The following CDH10 variants were observed in gnomAD, a reference collection of about 807,000 sequenced individuals.
The protein encoded by CDH10 is cadherin 10.
CDH10 carries 30 observed loss-of-function variants against 73.1 expected under a neutral mutation model. The observed-to-expected ratio is 0.41, with a 90% CI of 0.31 to 0.56. CDH10 has a LOEUF of 0.56. CDH10 is among the 20% of genes least tolerant of loss of function. CDH10 has a pLI of 0.27. For missense variants in CDH10, 815 were observed against 973.7 expected, an observed-to-expected ratio of 0.84 and a Z score of 2.17; for synonymous variants, 345 against 348.2, an observed-to-expected ratio of 0.99 and a Z score of 0.10.
intron 1 of CDH10, among the ~76,000 whole-genome samples, chr5:24,607,838 C>T (rs1172340345): frequency 6.6e-6 from 1 of 152,096 alleles, no homozygotes; most frequent in African/African-American, 2.4e-5. Context: ...AATGTTTTAT[C>T]TCCTAGCCTA....
chr5:24,613,643 G>A (rs1747030612), intron 1 of CDH10, among the ~76,000 whole-genome samples: 1 of 151,922 alleles, frequency 6.6e-6, no homozygotes, highest in Admixed American at 6.6e-5. Flanking sequence ...GGACAATGTT[G>A]CTACCTAGGA....
At chr5:24,595,749 C>G (rs761741417) in intron 1 of CDH10, among the ~76,000 whole-genome samples, 60 of 152,006 alleles carry the variant, frequency 3.9e-4, no homozygotes, top group Admixed American at 3.9e-4. Flanking sequence ...CTCATTTCAT[C>G]TCTTTTTACA....
intron 2 of CDH10, among the ~76,000 whole-genome samples, chr5:24,576,500 C>T (rs1012613370): frequency 2.0e-5 from 3 of 152,016 alleles, no homozygotes; most frequent in Admixed American, 6.5e-5. Flanking sequence ...GAGACTGAGA[C>T]ATCTTGCAGT....
intron 1 of CDH10, among the ~76,000 whole-genome samples, chr5:24,619,012 C>A (rs2319477): frequency 0.082 from 12,463 of 152,152 alleles, 637 homozygotes; most frequent in African/African-American, 0.13. Context: ...CATAAAACAG[C>A]CATGACACTC....
At chr5:24,500,286 C>T (rs1742442607) in intron 8 of CDH10, among the ~76,000 whole-genome samples, 1 of 152,136 alleles carries the variant, frequency 6.6e-6, no homozygotes, top group Non-Finnish European at 1.5e-5. Flanking sequence ...GACTGCTTAG[C>T]AGGGATATAT....
chr5:24,612,551 T>C (rs772450020), intron 1 of CDH10: 3 of 152,152 alleles, frequency 2.0e-5, no homozygotes, highest in Non-Finnish European at 4.4e-5. Context: ...GGTTATCCAA[T>C]TGAGAAACCT....
chr5:24,586,569 T>G (rs1004593359), intron 2 of CDH10, among the ~76,000 whole-genome samples: 3 of 145,762 alleles, frequency 2.1e-5, no homozygotes, highest in Non-Finnish European at 4.5e-5. Flanking sequence ...CAGCCTCCCA[T>G]GTAGCTGGGA....
At chr5:24,550,999 G>A (rs1302122678) in intron 2 of CDH10, among the ~76,000 whole-genome samples, 1 of 151,990 alleles carries the variant, frequency 6.6e-6, no homozygotes, top group East Asian at 1.9e-4. Context: ...AAATGCATTG[G>A]CACTCCTCTG....
intron 1 of CDH10, among the ~76,000 whole-genome samples, chr5:24,616,667 C>T (rs953797170): frequency 3.9e-5 from 6 of 151,966 alleles, no homozygotes; most frequent in Admixed American, 2.0e-4. Context: ...AAAACTTATT[C>T]TCCAGAATAA....
chr5:24,574,868 G>A (rs770126471), intron 2 of CDH10, among the ~76,000 whole-genome samples: 3 of 144,486 alleles, frequency 2.1e-5, no homozygotes, highest in African/African-American at 4.9e-5. Flanking sequence ...AAAACTAGAC[G>A]GTACAAATAG....
chr5:24,490,599 G>A (rs1051490793), intron 11 of CDH10, among the ~76,000 whole-genome samples: 2 of 151,994 alleles, frequency 1.3e-5, no homozygotes, highest in African/African-American at 4.8e-5. Context: ...TAGAAAAGTG[G>A]AAACATCTAT....
intron 1 of CDH10, among the ~76,000 whole-genome samples, chr5:24,595,544 C>G (rs550989795): frequency 6.6e-6 from 1 of 151,960 alleles, no homozygotes; most frequent in African/African-American, 2.4e-5. Context: ...TCACAAAGCA[C>G]TGGAACTCAA....
At chr5:24,503,201 C>T (rs1233172057) in intron 8 of CDH10, among the ~76,000 whole-genome samples, 1 of 152,170 alleles carries the variant, frequency 6.6e-6, no homozygotes, top group Non-Finnish European at 1.5e-5. Flanking sequence ...GTAGTGGTTA[C>T]TTCAAATAAA....
intron 3 of CDH10, among the ~76,000 whole-genome samples, chr5:24,536,968 T>G (rs1743977439): frequency 6.6e-6 from 1 of 151,984 alleles, no homozygotes; most frequent in African/African-American, 2.4e-5. Context: ...ATATTCCAGA[T>G]GAAATTTTTC....
rs1743634713 is a variant in CDH10, at chr5:24,529,099, G to A, written c.814+6013C>T. On this transcript the variant is annotated intron_variant, in intron 5 of 11. Coordinates refer to ENST00000264463, the MANE Select transcript of CDH10 (RefSeq NM_006727.5). ...TATTTTACAGTAGTATTTAGTGCATGCTATATCAATGCCTAATACTATTAT... is the reference window on the plus strand; with the variant it reads ...TATTTTACAGTAGTATTTAGTGCATACTATATCAATGCCTAATACTATTAT... Among the ~76,000 whole-genome samples, 3 of 151,944 alleles carry A rather than the reference G, an allele frequency of 2.0e-5. 1 individual carries two copies. Among genetic ancestry groups the A allele is most frequent in the Admixed American group, 2.0e-4 (3 of 15,206 alleles).
rs1748169717 is a variant in CDH10, at chr5:24,644,866, G to T, written c.-396C>A. The T allele has an allele frequency of 1.3e-5, 2 of 150,956 alleles. No individual in the cohort carries two copies. The highest frequency in any genetic ancestry group is 1.3e-4 in the Admixed American group (2 of 15,096). 9.4% of individuals were successfully genotyped at this position (150,956 alleles called of 1,614,324 possible). ...AAAAAAAAGGAAAGGGGGGAAAAAA[G>T]CTCTTCCTCACACGGAGAGAAAGGT... On this transcript the variant is annotated 5_prime_UTR_variant, in exon 1 of 12. Coordinates refer to ENST00000264463, the MANE Select transcript of CDH10 (RefSeq NM_006727.5).
chr5:24,571,689 A>G (rs1391735757), intron 2 of CDH10, among the ~76,000 whole-genome samples: 1 of 145,722 alleles, frequency 6.9e-6, no homozygotes, highest in East Asian at 2.0e-4. Flanking sequence ...ATTCAATTCT[A>G]TAATAGCAAT....
In CDH10 at chr5:24,537,465, C is replaced by T. The variant is rs2111893635; in HGVS notation, c.441G>A (p.Val147=). 6.2e-7 allele frequency: 1 copy of T among 1,612,664 alleles called. No individual in the cohort carries two copies. Among genetic ancestry groups the T allele is most frequent in the Non-Finnish European group, 8.5e-7 (1 of 1,178,904 alleles). Residue 147 remains valine, a synonymous_variant, in exon 3 of 12, where the codon GTG becomes GTA. Transcript: ENST00000264463. ...LRPVEPESEF[V]IKIHDINDNE... ...TGTCATTGATATCATGAATTTTGAT[C>T]ACAAACTCTGACTCTGGCTCTACTG... is the stretch of plus-strand genomic sequence containing the variant.
chr5:24,613,936 A>T (rs1277085101), intron 1 of CDH10, among the ~76,000 whole-genome samples: 1 of 152,196 alleles, frequency 6.6e-6, no homozygotes, highest in Non-Finnish European at 1.5e-5. Flanking sequence ...GGACAAGGAC[A>T]AATTCGACTT....
Sources: allele counts gnomAD v4.1 joint callset (sites outside exome capture counted in the v4.1 genomes callset), GRCh38; gene constraint gnomAD v4.1.1; transcripts MANE v1.5; gene names NCBI Gene and HGNC (gene_info 2026-07-23, HGNC 2026-07-21).